Variants in IL17RE observed in about 807,000 individuals in gnomAD.
The protein encoded by IL17RE is interleukin-17 receptor E.
A neutral mutation model predicts 70.7 loss-of-function variants in IL17RE; 47 were observed. The observed-to-expected ratio is 0.67, with a 90% confidence interval of 0.53 to 0.85. The LOEUF (loss-of-function observed/expected upper bound fraction) is 0.85. Ranked by LOEUF, IL17RE falls within the 40% of genes least tolerant of loss-of-function variation. The pLI is 0.00. For missense variants in IL17RE, 850 were observed against 893.9 expected (o/e 0.95, Z 0.63); for synonymous variants, 372 against 381.2 (o/e 0.98, Z 0.28).
chr3:9,915,714 G>C lies in IL17RE; in HGVS notation c.1911G>C (p.Trp637Cys). ...DARPFAEATS[W>C]GRLGARQRRQ... is the part of the protein sequence containing the mutation. ...GGCCTTTCGCAGAGGCCACCAGCTGGGGCCGCCTTGGGGCGCGGCAGCGCA... is the reference window on the plus strand; with the variant it reads ...GGCCTTTCGCAGAGGCCACCAGCTGCGGCCGCCTTGGGGCGCGGCAGCGCA... Residue 637 changes from tryptophan (W) to cysteine (C), a missense_variant, in exon 16 of 16, where the codon TGG becomes TGC. By Grantham distance (215) the Trp-to-Cys change is radical. Coordinates refer to ENST00000383814, the MANE Select transcript of IL17RE (RefSeq NM_153480.2). The surrounding 1 kb of genome is among the most constrained non-coding windows in gnomAD (Gnocchi z 4.9). The C allele has an allele frequency of 7.0e-7, 1 of 1,419,104 alleles. No individual in the cohort carries two copies. The highest frequency in any genetic ancestry group is 9.1e-7 in the Non-Finnish European group (1 of 1,098,398). The allele number at this position is 1,419,104 out of a possible 1,614,324, so 87.9% of individuals were successfully genotyped here.
chr3:9,905,990 C>T (rs2082745081), intron 3 of IL17RE, among the ~76,000 whole-genome samples: 1 of 152,178 alleles, frequency 6.6e-6, no homozygotes, highest in Non-Finnish European at 1.5e-5. Context: ...CGGCTCATGC[C>T]TGTAATCCCA....
rs756673444 is a variant in IL17RE at position 9,904,115 on chromosome 3, C to T, written c.232C>T (p.Arg78Cys). ...PWCVRVWHCS[R>C]CLCQHLLSGG... ...GTGTGTGCGAGTCTGGCACTGTTCC[C>T]GCTGTTTGTGCCAGCATCTGCTGTC... The change falls in exon 3 of 16, where the codon CGC (arginine) becomes TGC (cysteine). Residue 78 changes from arginine to cysteine, a missense_variant. Transcript: ENST00000383814. 18 of 1,614,038 alleles carry T rather than the reference C, an allele frequency of 1.1e-5. No individual in the cohort carries two copies. Among genetic ancestry groups the T allele is most frequent in the Middle Eastern group, 1.6e-4 (1 of 6,084 alleles).
chr3:9,911,409 A>G (rs966061969), intron 11 of IL17RE, 34 bp from the exon 12 acceptor site: 2 of 1,612,398 alleles, frequency 1.2e-6, no homozygotes, highest in African/African-American at 2.7e-5. Flanking sequence ...CCAAAGCCCA[A>G]CTCCTATCAA....
rs1053725310 is a variant in IL17RE at position 9,911,513 on chromosome 3, A to G, written c.1143A>G (p.Arg381=). The G allele has an allele frequency of 6.2e-7, 1 of 1,613,968 alleles. No individual in the cohort carries two copies. Among genetic ancestry groups the G allele is most frequent in the African/African-American group, 1.3e-5 (1 of 74,874 alleles). The part of the protein sequence containing the change: ...AQQLILHFSS[R]MHATFSAAWS... ...AGCTGATTCTTCACTTCTCCTCAAG[A>G]ATGCATGCCACCTTCAGTGCTGCCT... The change falls in exon 12 of 16, where the codon AGA becomes AGG. Residue 381 remains arginine, a synonymous_variant. Transcript: ENST00000383814.
chr3:9,906,609 G>T, intron 4 of IL17RE, 97 bp from the exon 5 acceptor site: 1 of 1,499,332 alleles, frequency 6.7e-7, no homozygotes, highest in South Asian at 1.2e-5. Context: ...AAAAGAGTTT[G>T]AGCAACTTGC....
chr3:9,913,345 A>G (rs2082937003), intron 12 of IL17RE, among the ~76,000 whole-genome samples: 1 of 152,266 alleles, frequency 6.6e-6, no homozygotes, highest in South Asian at 2.1e-4. Flanking sequence ...TGGAGGTTGC[A>G]GTGAGCCAAG....
Position 9,911,457 on chromosome 3 carries a change from T to C in IL17RE, c.1087T>C (p.Trp363Arg), listed in dbSNP as rs1419595523. The change falls in exon 12 of 16, where the codon TGG (tryptophan) becomes CGG (arginine). Residue 363 changes from tryptophan to arginine, a missense_variant. Transcript: ENST00000383814. Reference protein sequence around the residue: ...CPHQTGSLTSWNVSMDTQAQQ... With the variant: ...CPHQTGSLTSRNVSMDTQAQQ... ...GCCCCAAACAGGGTCTCTCACATCC[T>C]GGAATGTAAGCATGGATACCCAAGC... 1 of 1,614,118 alleles carries C rather than the reference T, an allele frequency of 6.2e-7. No homozygotes were observed. Among genetic ancestry groups the C allele is most frequent in the Non-Finnish European group, 8.5e-7 (1 of 1,180,008 alleles).
chr3:9,914,732 C>T lies in IL17RE; in HGVS notation c.1402C>T (p.Leu468=). 1.2e-6 allele frequency: 2 copies of T among 1,614,106 alleles called. No individual in the cohort carries two copies. The highest frequency in any genetic ancestry group is 8.5e-7 in the Non-Finnish European group (1 of 1,180,018). Residue 468 remains leucine (L), a synonymous_variant, in exon 15 of 16, where the codon CTA becomes TTA. Coordinates refer to ENST00000383814, the MANE Select transcript of IL17RE (RefSeq NM_153480.2). ...CCTGGCACTGCTGGCCCTCCTCACC[C>T]TACTGGGTGTTGTTCTGGCCCTCAC... is the stretch of plus-strand genomic sequence containing the variant. ...LILALLALLT[L]LGVVLALTCR...
chr3:9,909,240 T>C lies in IL17RE; in HGVS notation c.759T>C (p.Thr253=). The stretch of plus-strand genomic sequence containing the variant: ...AGGCATCCTACCTGCAAGAGGACAC[T>C]GTGAGGCGCAAAAAATGTCCCTTCC... ...CIEASYLQED[T]VRRKKCPFQS... Residue 253 remains threonine, a synonymous_variant, in exon 8 of 16, where the codon ACT becomes ACC. Coordinates refer to ENST00000383814, the MANE Select transcript of IL17RE (RefSeq NM_153480.2). 1 of 1,614,086 alleles carries C rather than the reference T, an allele frequency of 6.2e-7. No individual in the cohort carries two copies. Among genetic ancestry groups the C allele is most frequent in the African/African-American group, 1.3e-5 (1 of 75,044 alleles).
intron 6 of IL17RE, 29 bp downstream of exon 6, chr3:9,907,129 C>A (rs777760219): frequency 6.2e-7 from 1 of 1,613,314 alleles, no homozygotes; most frequent in Non-Finnish European, 8.5e-7. Flanking sequence ...CTGTAAAAAG[C>A]CCGATCACAC....
rs746703842 is a variant in IL17RE, at chr3:9,915,390, G to A, written c.1587G>A (p.Gly529=). 67 of 1,363,986 alleles carry A rather than the reference G, an allele frequency of 4.9e-5. 1 individual carries two copies. The South Asian group carries it at 1.1e-3, about 23-fold the overall frequency. The allele number at this position is 1,363,986 out of a possible 1,614,324, so 84.5% of individuals were successfully genotyped here. Residue 529 remains glycine, a synonymous_variant, in exon 16 of 16, where the codon GGG becomes GGA. Transcript: ENST00000383814. This position sits in a 1 kb window ranked among gnomAD's most constrained non-coding sequence, Gnocchi z 4.9. ...ACGTGATCGTGGACCTGTGGGAGGGGAGGCACGTGGCGCGCGTGGGCCCGC... is the reference window on the plus strand; with the variant it reads ...ACGTGATCGTGGACCTGTGGGAGGGAAGGCACGTGGCGCGCGTGGGCCCGC... ...GRDVIVDLWE[G]RHVARVGPLP...
In IL17RE at chr3:9,911,024, C is replaced by G; in HGVS notation, c.962C>G (p.Ala321Gly). 1 of 1,614,180 alleles carries G rather than the reference C, an allele frequency of 6.2e-7. No homozygotes were observed. The highest frequency in any genetic ancestry group is 8.5e-7 in the Non-Finnish European group (1 of 1,180,032). ...TLCKDLPNAT[A>G]RESDGWYVLE... is the part of the protein sequence containing the mutation. ...TGCAAAGACCTCCCGAATGCCACAG[C>G]TCGAGAGTCAGATGGGGTGAGGACA... Residue 321 changes from alanine to glycine, a missense_variant, in exon 9 of 16, where the codon GCT becomes GGT. Physicochemically the swap from Ala to Gly is moderately conservative, Grantham distance 60 (BLOSUM62 0). Coordinates refer to ENST00000383814, the MANE Select transcript of IL17RE (RefSeq NM_153480.2).
In IL17RE at chr3:9,911,190, A is replaced by G. The variant is rs1390165440; in HGVS notation, c.1026+16A>G. ...CTGCTTCAAGGTACAACCATGGGTA[A>G]GAAAAGATGTGGTGTAGTGGGTATT... is the stretch of plus-strand genomic sequence containing the variant. On this transcript the variant is annotated intron_variant, in intron 10 of 15. Coordinates refer to ENST00000383814, the MANE Select transcript of IL17RE (RefSeq NM_153480.2). 3 of 1,614,096 alleles carry G rather than the reference A, an allele frequency of 1.9e-6. No homozygotes were observed. In the African/African-American group the frequency reaches 4.0e-5, roughly 22 times the overall value.
intron 12 of IL17RE, among the ~76,000 whole-genome samples, chr3:9,912,821 A>G (rs772234240): frequency 6.6e-6 from 1 of 152,170 alleles, no homozygotes; most frequent in Non-Finnish European, 1.5e-5. Context: ...ATGAGCTATG[A>G]TCATGCCACA....
chr3:9,902,832 G>A, upstream of IL17RE: 1 of 1,598,338 alleles, frequency 6.3e-7, no homozygotes, highest in Non-Finnish European at 8.5e-7. Flanking sequence ...CTGGGGCGAG[G>A]GCTCCTGCTG....
In IL17RE at chr3:9,906,099, A is replaced by G. The variant is rs534672544; in HGVS notation, c.269-265A>G. Among the ~76,000 whole-genome samples the G allele has an allele frequency of 2.5e-4, 38 of 151,792 alleles. 1 individual carries two copies. In the South Asian group the frequency reaches 6.7e-3, roughly 27 times the overall value. ...ACCCCGTCTCCACTAAAGATACAAA[A>G]TTAGCCGGGCATGGTGGCACATGCC... On this transcript the variant is annotated intron_variant, in intron 3 of 15. Coordinates refer to ENST00000383814, the MANE Select transcript of IL17RE (RefSeq NM_153480.2).
At chr3:9,908,024 T>C (rs750835892) in intron 6 of IL17RE, among the ~76,000 whole-genome samples, 2 of 152,208 alleles carry the variant, frequency 1.3e-5, no homozygotes, top group Non-Finnish European at 2.9e-5. Flanking sequence ...ATGTATTCCC[T>C]GTCTCCTTCC....
At chr3:9,912,150 C>T (rs984953290) in intron 12 of IL17RE, among the ~76,000 whole-genome samples, 7 of 152,184 alleles carry the variant, frequency 4.6e-5, no homozygotes, top group East Asian at 1.9e-4. Flanking sequence ...CTATTGTGAA[C>T]GGTGCATGCG....
rs1376691449 is a variant in IL17RE at position 9,915,538 on chromosome 3, G to T, written c.1735G>T (p.Ala579Ser). ...GPDPRAAPLLALLHAAPRPLL... is the reference protein window; with the variant it reads ...GPDPRAAPLLSLLHAAPRPLL... ...CGACCCCCGCGCCGCGCCCCTGCTC[G>T]CCCTGCTCCACGCTGCCCCGCGCCC... Residue 579 changes from alanine to serine, a missense_variant, in exon 16 of 16, where the codon GCC becomes TCC. By Grantham distance (99) the Ala-to-Ser change is moderately conservative (BLOSUM62 1). Transcript: ENST00000383814. This position sits in a 1 kb window ranked among gnomAD's most constrained non-coding sequence, Gnocchi z 4.9. 1.1e-5 allele frequency: 15 copies of T among 1,367,190 alleles called. No individual in the cohort carries two copies. In the South Asian group the frequency reaches 2.1e-4, roughly 19 times the overall value. 84.7% of individuals were successfully genotyped at this position (1,367,190 alleles called of 1,614,324 possible). A position where few individuals can be genotyped will look rare whatever the true frequency, so the allele number is the denominator to read the frequency against.
Sources: allele counts gnomAD v4.1 joint callset (sites outside exome capture counted in the v4.1 genomes callset), GRCh38; gene constraint gnomAD v4.1.1; non-coding constraint Gnocchi (gnomAD v3.1); transcripts MANE v1.5; gene names NCBI Gene and HGNC (gene_info 2026-07-23, HGNC 2026-07-21).